AKAP6: variants seen among roughly 807,000 people sequenced by gnomAD.
AKAP6 encodes A-kinase anchoring protein 6, also known as A-kinase anchor protein 6.
Under a neutral mutation model 188.5 loss-of-function variants are expected in AKAP6, and 58 were observed. The ratio of observed to expected loss-of-function variants is 0.31; its 90% CI spans 0.25 to 0.38. The LOEUF (loss-of-function observed/expected upper bound fraction) is 0.38. AKAP6 is among the 10% of genes least tolerant of loss of function. The probability of loss-of-function intolerance (pLI) is 1.00; values close to 1 mark genes in which losing one functional copy is unlikely to be tolerated. For synonymous variants in AKAP6, 989 were observed against 998.6 expected, an observed-to-expected ratio of 0.99 and a Z score of 0.18; for missense variants, 2,710 against 2,740.0, an observed-to-expected ratio of 0.99 and a Z score of 0.24.
At chr14:32,728,199 G>C (rs2030970434) in intron 9 of AKAP6, among the ~76,000 whole-genome samples, 1 of 89,756 alleles carries the variant, frequency 1.1e-5, no homozygotes, top group Non-Finnish European at 2.0e-5. Context: ...CACATCCCTG[G>C]ATTTTTTTTT....
At chr14:32,554,355 A>G (rs1344153639) in intron 4 of AKAP6, among the ~76,000 whole-genome samples, 1 of 152,234 alleles carries the variant, frequency 6.6e-6, no homozygotes, top group Non-Finnish European at 1.5e-5. Context: ...TCTGATCAGC[A>G]TCTACTGTGT....
chr14:32,610,853 G>A (rs528327454), intron 7 of AKAP6, among the ~76,000 whole-genome samples: 5 of 152,310 alleles, frequency 3.3e-5, no homozygotes, highest in African/African-American at 1.2e-4. Flanking sequence ...CTTAGTGAAA[G>A]ATAGATACTG....
intron 1 of AKAP6, among the ~76,000 whole-genome samples, chr14:32,359,257 G>A (rs1258358672): frequency 6.6e-6 from 1 of 152,022 alleles, no homozygotes; most frequent in Non-Finnish European, 1.5e-5. Flanking sequence ...CAAAAAGTTG[G>A]TCTTTAAAAA....
At chr14:32,561,115 C>T (rs1392355050) in intron 4 of AKAP6, among the ~76,000 whole-genome samples, 2 of 152,130 alleles carry the variant, frequency 1.3e-5, no homozygotes, top group Admixed American at 1.3e-4. Context: ...TCACTTAAAG[C>T]TTACTGTATA....
intron 2 of AKAP6, among the ~76,000 whole-genome samples, chr14:32,516,513 C>T (rs548624885): frequency 1.3e-5 from 2 of 152,126 alleles, no homozygotes; most frequent in Non-Finnish European, 2.9e-5. Context: ...TTATAAATAC[C>T]TGTCCTAGTC....
At chr14:32,333,344 T>C (rs1025808961) in intron 1 of AKAP6, among the ~76,000 whole-genome samples, 6 of 152,302 alleles carry the variant, frequency 3.9e-5, no homozygotes, top group Admixed American at 1.3e-4. Context: ...TTTGATCGCA[T>C]GGATTCAATT....
intron 2 of AKAP6, among the ~76,000 whole-genome samples, chr14:32,500,323 T>C (rs182474888): frequency 2.0e-4 from 30 of 152,320 alleles, no homozygotes; most frequent in Non-Finnish European, 7.4e-5. Flanking sequence ...TGCCATGAAG[T>C]ATTTACTTGA....
intron 7 of AKAP6, among the ~76,000 whole-genome samples, chr14:32,603,330 A>G (rs17099348): frequency 0.03 from 4,582 of 152,186 alleles, 235 homozygotes; most frequent in African/African-American, 0.1. Context: ...TGGCACAATG[A>G]CCTAAATTAA....
intron 12 of AKAP6, among the ~76,000 whole-genome samples, chr14:32,812,491 A>T: frequency 6.6e-6 from 1 of 152,224 alleles, no homozygotes; most frequent in East Asian, 1.9e-4. Context: ...AACAAAAAAT[A>T]AACCAGTTCT....
In AKAP6 at chr14:32,834,534, T is replaced by G. The variant is rs1722348344; in HGVS notation, c.*4729T>G. On this transcript the variant is annotated 3_prime_UTR_variant, in exon 14 of 14. Coordinates refer to ENST00000280979, the MANE Select transcript of AKAP6 (RefSeq NM_004274.5). ...ACACACTGCTTTTAGTTTCCAAGTC[T>G]TTTTTTTTTTTTTTTTTTTTAAATC... 8.6e-4 allele frequency: 2 copies of G among 2,316 alleles called. No individual in the cohort carries two copies. Among genetic ancestry groups the G allele is most frequent in the South Asian group, 5.2e-3 (1 of 194 alleles). The allele number at this position is 2,316 out of a possible 1,614,324, so 0.1% of individuals were successfully genotyped here. A position where few individuals can be genotyped will look rare whatever the true frequency, so the allele number is the denominator to read the frequency against.
chr14:32,719,418 T>G (rs1035282283), intron 9 of AKAP6, among the ~76,000 whole-genome samples: 4 of 152,190 alleles, frequency 2.6e-5, no homozygotes, highest in Non-Finnish European at 5.9e-5. Flanking sequence ...AGGCAACTGA[T>G]TCTCATAGAT....
rs935429609 is a variant in AKAP6 at position 32,648,893 on chromosome 14, CA to C, written c.2731-29410del. On this transcript the variant is annotated intron_variant, in intron 7 of 13. Transcript: ENST00000280979. The stretch of plus-strand genomic sequence containing the variant: ...CAAATAACTAAAAAGTTTCTTTTAC[CA>C]AAAAAAAGACATTGCATTTTTAAAA... Among the ~76,000 whole-genome samples the C allele has an allele frequency of 3.3e-5, 5 of 151,338 alleles. No homozygotes were observed. In the East Asian group the frequency reaches 5.8e-4, roughly 18 times the overall value.
At chr14:32,630,253 A>G (rs1887211718) in intron 7 of AKAP6, among the ~76,000 whole-genome samples, 1 of 152,138 alleles carries the variant, frequency 6.6e-6, no homozygotes, top group Admixed American at 6.6e-5. Flanking sequence ...ACTTCAAACC[A>G]TCTTTAAATT....
chr14:32,510,383 T>C (rs1183934165), intron 2 of AKAP6, among the ~76,000 whole-genome samples: 1 of 108,014 alleles, frequency 9.3e-6, no homozygotes, highest in African/African-American at 3.9e-5. Context: ...TATATGTGTA[T>C]ATATATATGT....
chr14:32,447,908 G>C (rs1245294885), intron 2 of AKAP6, among the ~76,000 whole-genome samples: 1 of 152,198 alleles, frequency 6.6e-6, no homozygotes, highest in Non-Finnish European at 1.5e-5. Context: ...ATTTAAATCA[G>C]TTACAAATCT....
chr14:32,368,879 G>GAAAA (rs932722813), intron 1 of AKAP6, among the ~76,000 whole-genome samples: 1 of 142,078 alleles, frequency 7.0e-6, no homozygotes, highest in African/African-American at 2.8e-5. Flanking sequence ...TTAAGAAGAA[G>GAAAA]AAAAAAAAAA....
chr14:32,679,522 A>G (rs748460739), intron 8 of AKAP6, among the ~76,000 whole-genome samples: 1 of 152,152 alleles, frequency 6.6e-6, no homozygotes, highest in Non-Finnish European at 1.5e-5. Context: ...ACTGGTTTGC[A>G]TTTATTTTTT....
intron 7 of AKAP6, among the ~76,000 whole-genome samples, chr14:32,667,474 AT>A (rs1888993918): frequency 6.6e-6 from 1 of 152,114 alleles, no homozygotes; most frequent in South Asian, 2.1e-4. Flanking sequence ...ACACAAAAAA[AT>A]AAAATGACTT....
chr14:32,615,924 T>C (rs926001474), intron 7 of AKAP6, among the ~76,000 whole-genome samples: 18 of 152,294 alleles, frequency 1.2e-4, no homozygotes, highest in Admixed American at 7.8e-4. Context: ...TCTTCTCAAC[T>C]TAATGCTACA....
Sources: gnomAD v4.1 joint callset for allele counts (sites outside exome capture counted in the v4.1 genomes callset) on GRCh38, gnomAD v4.1.1 for gene constraint, MANE v1.5 for transcripts, NCBI Gene and HGNC (gene_info 2026-07-23, HGNC 2026-07-21) for gene names.